The following ADGRL3 variants were observed in gnomAD, a reference collection of about 807,000 sequenced individuals.
The protein encoded by ADGRL3 is calcium-independent alpha-latrotoxin receptor 3.
A neutral mutation model predicts 153.5 loss-of-function variants in ADGRL3; 62 were observed. The observed-to-expected ratio is 0.40, with a 90% CI of 0.33 to 0.50. The LOEUF (loss-of-function observed/expected upper bound fraction) is 0.50. Among genes scored for constraint, ADGRL3 ranks in the 20% least tolerant of loss-of-function variants. The pLI is 0.47. For missense variants in ADGRL3, 1,641 were observed against 1,859.4 expected (o/e 0.88, Z 2.16); for synonymous variants, 710 against 672.5 (o/e 1.06, Z -0.86).
At chr4:62,044,020 C>T (rs1729759073) in intron 24 of ADGRL3, among the ~76,000 whole-genome samples, 1 of 151,882 alleles carries the variant, frequency 6.6e-6, no homozygotes, top group Non-Finnish European at 1.5e-5. Flanking sequence ...ATTCTGATTT[C>T]TTAAACTAAA....
At chr4:61,525,642 T>C (rs1306765472) in intron 4 of ADGRL3, among the ~76,000 whole-genome samples, 2 of 151,920 alleles carry the variant, frequency 1.3e-5, no homozygotes, top group African/African-American at 4.8e-5. Flanking sequence ...AGGTAATGAG[T>C]GTCTGAACTG....
chr4:61,372,620 T>A (rs534902708), intron 1 of ADGRL3, among the ~76,000 whole-genome samples: 1 of 152,318 alleles, frequency 6.6e-6, no homozygotes, highest in Non-Finnish European at 1.5e-5. Flanking sequence ...GGAGAACCAC[T>A]GCTCTCTTCA....
At chr4:61,882,872 G>T (rs192156359) in intron 9 of ADGRL3, among the ~76,000 whole-genome samples, 1 of 152,174 alleles carries the variant, frequency 6.6e-6, no homozygotes, top group Non-Finnish European at 1.5e-5. Flanking sequence ...TTGGGAGGCC[G>T]AGGTGGTGGA....
intron 1 of ADGRL3, among the ~76,000 whole-genome samples, chr4:61,297,823 TCGC>T (rs1331818115): frequency 8.6e-5 from 13 of 151,518 alleles, no homozygotes; most frequent in East Asian, 3.9e-4. Flanking sequence ...GTCACTACCG[TCGC>T]CACCACCACC....
At chr4:61,463,992 A>G (rs895937588) in intron 2 of ADGRL3, among the ~76,000 whole-genome samples, 4 of 152,190 alleles carry the variant, frequency 2.6e-5, no homozygotes. Context: ...GACATTCCCC[A>G]AAGGGCCAGA....
At chr4:61,257,003 A>G (rs962115194) in intron 1 of ADGRL3, among the ~76,000 whole-genome samples, 7 of 152,176 alleles carry the variant, frequency 4.6e-5, no homozygotes, top group Non-Finnish European at 1.0e-4. Context: ...TTGAAACATG[A>G]AAATTATAAC....
chr4:61,749,342 C>T (rs2096719702), intron 8 of ADGRL3, among the ~76,000 whole-genome samples: 1 of 152,054 alleles, frequency 6.6e-6, no homozygotes, highest in Admixed American at 6.5e-5. Flanking sequence ...CCAATTGACC[C>T]AGGCATCCCA....
intron 1 of ADGRL3, among the ~76,000 whole-genome samples, chr4:61,227,271 T>C (rs1283409850): frequency 1.3e-5 from 2 of 152,124 alleles, no homozygotes; most frequent in African/African-American, 4.8e-5. Flanking sequence ...AGAGATCTGA[T>C]CATGGCTCAT....
At chr4:61,340,830 G>GTA (rs533433677) in intron 1 of ADGRL3, among the ~76,000 whole-genome samples, 3,165 of 148,030 alleles carry the variant, frequency 0.021, 91 homozygotes, top group South Asian at 0.091. Flanking sequence ...GTGTGTTTGT[G>GTA]TATATATATA....
intron 1 of ADGRL3, among the ~76,000 whole-genome samples, chr4:61,377,226 C>A (rs1305538820): frequency 6.6e-6 from 1 of 152,026 alleles, no homozygotes; most frequent in South Asian, 2.1e-4. Flanking sequence ...CTATCCTACC[C>A]TACCTTATAT....
At chr4:61,278,653 A>C (rs910006875) in intron 1 of ADGRL3, among the ~76,000 whole-genome samples, 3 of 152,032 alleles carry the variant, frequency 2.0e-5, no homozygotes, top group Admixed American at 2.0e-4. Context: ...ACAGGCATGC[A>C]CCATCATGCC....
intron 1 of ADGRL3, among the ~76,000 whole-genome samples, chr4:61,364,043 C>T (rs1228675118): frequency 1.3e-5 from 2 of 151,694 alleles, no homozygotes; most frequent in Non-Finnish European, 2.9e-5. Flanking sequence ...AGTGAATGAT[C>T]AATAAAACAT....
At chr4:61,908,608 C>CAAA (rs5858741) in intron 11 of ADGRL3, among the ~76,000 whole-genome samples, 4 of 89,706 alleles carry the variant, frequency 4.5e-5, no homozygotes, top group East Asian at 2.5e-4. Flanking sequence ...AACAACGCCT[C>CAAA]AAAAAAAAAA....
chr4:62,058,618 A>C (rs758838006), intron 25 of ADGRL3, among the ~76,000 whole-genome samples: 1 of 152,116 alleles, frequency 6.6e-6, no homozygotes. Context: ...TATTGTAACT[A>C]TCTCGTCCTC....
intron 17 of ADGRL3, among the ~76,000 whole-genome samples, chr4:61,955,954 G>T (rs1370498263): frequency 1.3e-5 from 2 of 152,084 alleles, no homozygotes; most frequent in Non-Finnish European, 2.9e-5. Context: ...CAATTGGTTT[G>T]GTTCCATGAC....
chr4:61,201,179 G>A lies in ADGRL3; in HGVS notation c.-826G>A, dbSNP rs995381467. ...GTGGAAGAAGAAAAAGAAAGAGAAG[G>A]GGGGTGGGGTGGGAGAACTGGATAT... On this transcript the variant is annotated 5_prime_UTR_variant, in exon 1 of 27. Coordinates refer to ENST00000683033, the MANE Select transcript of ADGRL3 (RefSeq NM_001387552.1). 6.5e-6 allele frequency: 1 copy of A among 152,848 alleles called. No homozygotes were observed. Among genetic ancestry groups the A allele is most frequent in the East Asian group, 2.0e-4 (1 of 5,110 alleles). 9.5% of individuals were successfully genotyped at this position (152,848 alleles called of 1,614,324 possible). A position where few individuals can be genotyped will look rare whatever the true frequency, so the allele number is the denominator to read the frequency against.
At chr4:61,539,240 GCA>G (rs2098675705) in intron 4 of ADGRL3, among the ~76,000 whole-genome samples, 1 of 152,226 alleles carries the variant, frequency 6.6e-6, no homozygotes, top group South Asian at 2.1e-4. Flanking sequence ...GCCGCAAAAT[GCA>G]CAGAGTGGCT....
chr4:62,028,608 G>A (rs1233769943), intron 21 of ADGRL3, among the ~76,000 whole-genome samples: 1 of 151,644 alleles, frequency 6.6e-6, no homozygotes, highest in African/African-American at 2.4e-5. Context: ...ATGAGCACAT[G>A]ATAAAAAAAT....
At chr4:61,277,691 T>C (rs1315940606) in intron 1 of ADGRL3, among the ~76,000 whole-genome samples, 1 of 152,140 alleles carries the variant, frequency 6.6e-6, no homozygotes, top group Non-Finnish European at 1.5e-5. Context: ...TACTTAACCT[T>C]CCTGAAATCC....
Sources: gnomAD v4.1 joint callset for allele counts (sites outside exome capture counted in the v4.1 genomes callset) on GRCh38, gnomAD v4.1.1 for gene constraint, MANE v1.5 for transcripts, NCBI Gene and HGNC (gene_info 2026-07-23, HGNC 2026-07-21) for gene names.